IKZF3: variants seen among roughly 807,000 people sequenced by gnomAD.
IKZF3 encodes IKAROS family zinc finger 3, also known as zinc finger protein Aiolos.
Under a neutral mutation model 49.0 loss-of-function variants are expected in IKZF3, and 10 were observed. The ratio of observed to expected loss-of-function variants is 0.20; its 90% CI spans 0.13 to 0.35. IKZF3 has a LOEUF of 0.35. Among genes scored for constraint, IKZF3 ranks in the 10% least tolerant of loss-of-function variants. The pLI is 1.00. For missense variants in IKZF3, 498 were observed against 664.8 expected (o/e 0.75, Z 2.76); for synonymous variants, 209 against 228.2 (o/e 0.92, Z 0.76).
chr17:39,850,022 T>G (rs1467166488), intron 1 of IKZF3, among the ~76,000 whole-genome samples: 1 of 138,140 alleles, frequency 7.2e-6, no homozygotes, highest in Non-Finnish European at 1.6e-5. Flanking sequence ...TGGGGGTGTG[T>G]GTGTGTGTGT....
intron 3 of IKZF3, among the ~76,000 whole-genome samples, chr17:39,814,854 T>TC (rs1452567835): frequency 1.3e-5 from 2 of 152,222 alleles, no homozygotes; most frequent in Non-Finnish European, 2.9e-5. Context: ...TGGTGTTTTG[T>TC]CACCCAGTTT....
At chr17:39,821,620 A>G (rs1434711518) in intron 3 of IKZF3, among the ~76,000 whole-genome samples, 1 of 152,212 alleles carries the variant, frequency 6.6e-6, no homozygotes, top group Admixed American at 6.5e-5. Context: ...GCTAAAATGA[A>G]AGTTAAAAAG....
At chr17:39,860,626 G>A (rs537032548) in intron 1 of IKZF3, among the ~76,000 whole-genome samples, 10 of 152,246 alleles carry the variant, frequency 6.6e-5, no homozygotes, top group Non-Finnish European at 1.2e-4. Flanking sequence ...ACCAAATACC[G>A]CATGTTCTCA....
At chr17:39,776,918 G>A in intron 7 of IKZF3, among the ~76,000 whole-genome samples, 1 of 152,168 alleles carries the variant, frequency 6.6e-6, no homozygotes, top group Non-Finnish European at 1.5e-5. Flanking sequence ...TCAATTTATA[G>A]CAAAACTGAT....
chr17:39,777,512 TGA>T, intron 7 of IKZF3, 137 bp downstream of exon 7: 1 of 587,866 alleles, frequency 1.7e-6, no homozygotes, highest in Non-Finnish European at 3.0e-6. Context: ...GAATGAACCA[TGA>T]AGAATAAAAG....
intron 1 of IKZF3, among the ~76,000 whole-genome samples, chr17:39,845,880 T>A: frequency 6.6e-6 from 1 of 152,138 alleles, no homozygotes; most frequent in African/African-American, 2.4e-5. Context: ...TAATGCGACT[T>A]TTCAGAGGGT....
intron 3 of IKZF3, among the ~76,000 whole-genome samples, chr17:39,802,596 G>C (rs1449287285): frequency 6.9e-6 from 1 of 144,024 alleles, no homozygotes; most frequent in Non-Finnish European, 1.5e-5. Flanking sequence ...GACAGAGCGA[G>C]ACCCTGTCTC....
chr17:39,816,816 A>C (rs1236984843), intron 3 of IKZF3, among the ~76,000 whole-genome samples: 1 of 152,196 alleles, frequency 6.6e-6, no homozygotes, highest in African/African-American at 2.4e-5. Context: ...CAGGCTCAGA[A>C]GATTCTCCCA....
intron 6 of IKZF3, among the ~76,000 whole-genome samples, chr17:39,779,770 C>T (rs2060688672): frequency 6.6e-6 from 1 of 150,932 alleles, no homozygotes; most frequent in South Asian, 2.1e-4. Context: ...CCTGGGCAAA[C>T]ATATTGTGAT....
Position 39,761,704 on chromosome 17 carries a change from GTT to G in IKZF3, c.*4084_*4085del. 6.6e-6 allele frequency: 1 copy of G among 152,242 alleles called. No individual in the cohort carries two copies. The highest frequency in any genetic ancestry group is 1.5e-5 in the Non-Finnish European group (1 of 68,134). The allele number at this position is 152,242 out of a possible 1,614,324, so 9.4% of individuals were successfully genotyped here. A position where few individuals can be genotyped will look rare whatever the true frequency, so the allele number is the denominator to read the frequency against. On this transcript the variant is annotated 3_prime_UTR_variant, in exon 8 of 8. Transcript: ENST00000346872. ...AAACTTTGCCTGGGTTTTTTTGTTTGTTTGTTTGTTTTTGTTTTAGACAGAGT... is the reference window on the plus strand; with the variant it reads ...AAACTTTGCCTGGGTTTTTTTGTTTGTGTTTGTTTTTGTTTTAGACAGAGT...
chr17:39,824,002 G>C (rs1035947268), intron 3 of IKZF3, among the ~76,000 whole-genome samples: 1 of 152,130 alleles, frequency 6.6e-6, no homozygotes, highest in African/African-American at 2.4e-5. Context: ...ACCCCAGAAG[G>C]GTAGATCCAT....
chr17:39,803,701 C>T (rs2061372997), intron 3 of IKZF3, among the ~76,000 whole-genome samples: 1 of 152,038 alleles, frequency 6.6e-6, no homozygotes, highest in Non-Finnish European at 1.5e-5. Context: ...TTAGTAGAGG[C>T]AGGGTTTCTC....
intron 3 of IKZF3, among the ~76,000 whole-genome samples, chr17:39,796,448 T>C (rs1598033704): frequency 6.6e-6 from 1 of 152,136 alleles, no homozygotes; most frequent in East Asian, 1.9e-4. Flanking sequence ...CTTCAGGCTC[T>C]CTAGGTGCCA....
At chr17:39,839,597 T>G (rs2062405739) in intron 1 of IKZF3, 1 of 433,174 alleles carries the variant, frequency 2.3e-6, no homozygotes, top group Non-Finnish European at 4.5e-6. Flanking sequence ...TATTTTTATT[T>G]TTTTTAGACA....
rs1334416838 is a variant in IKZF3 at position 39,789,498 on chromosome 17, G to A, written c.593-1124C>T. The stretch of plus-strand genomic sequence containing the variant: ...GAATCGCTTGAACCTGGGAGGTGGA[G>A]GTTGCAGTGGGCTGAGATTGCACCA... On this transcript the variant is annotated intron_variant, in intron 5 of 7. Coordinates refer to ENST00000346872, the MANE Select transcript of IKZF3 (RefSeq NM_012481.5). Among the ~76,000 whole-genome samples, 3 of 152,128 alleles carry A rather than the reference G, an allele frequency of 2.0e-5. No homozygotes were observed. The East Asian group carries it at 5.8e-4, about 29-fold the overall frequency.
chr17:39,834,075 G>C (rs1475278592), intron 1 of IKZF3, among the ~76,000 whole-genome samples: 2 of 152,132 alleles, frequency 1.3e-5, no homozygotes, highest in African/African-American at 2.4e-5. Flanking sequence ...TTGAGTACTG[G>C]TCAGGTATTT....
intron 1 of IKZF3, among the ~76,000 whole-genome samples, chr17:39,844,894 C>T (rs1207871978): frequency 6.6e-6 from 1 of 152,144 alleles, no homozygotes; most frequent in Non-Finnish European, 1.5e-5. Context: ...ATCACCATCA[C>T]TCATTTTTTT....
In IKZF3 at chr17:39,759,974, T is replaced by C. The variant is rs540676981; in HGVS notation, c.*5816A>G. On this transcript the variant is annotated 3_prime_UTR_variant, in exon 8 of 8. Transcript: ENST00000346872. ...GCTCACAAGTCCCGATGCTGACTCT[T>C]TGAGTCCTCAGATAGCCAGGCTCTT... The C allele has an allele frequency of 6.6e-6, 1 of 152,120 alleles. No individual in the cohort carries two copies. Among genetic ancestry groups the C allele is most frequent in the African/African-American group, 2.4e-5 (1 of 41,420 alleles). 9.4% of individuals were successfully genotyped at this position (152,120 alleles called of 1,614,324 possible). A position where few individuals can be genotyped will look rare whatever the true frequency, so the allele number is the denominator to read the frequency against.
intron 1 of IKZF3, chr17:39,835,734 A>C (rs551680513): frequency 1.8e-5 from 9 of 509,936 alleles, no homozygotes; most frequent in African/African-American, 1.7e-4. Context: ...CAGCTGCCTG[A>C]GGAAGCTGAT....
Sources: gnomAD v4.1 joint callset for allele counts (sites outside exome capture counted in the v4.1 genomes callset) on GRCh38, gnomAD v4.1.1 for gene constraint, MANE v1.5 for transcripts, NCBI Gene and HGNC (gene_info 2026-07-23, HGNC 2026-07-21) for gene names.